The following TTC28 variants were observed in gnomAD, a reference collection of about 807,000 sequenced individuals.
TTC28 encodes the protein tetratricopeptide repeat domain 28, also known as tetratricopeptide repeat protein 28.
In TTC28, 61 loss-of-function variants were observed where a neutral mutation model predicts 198.0. The ratio of observed to expected loss-of-function variants is 0.31; its 90% CI spans 0.25 to 0.38. The LOEUF is 0.38. Ranked by LOEUF, TTC28 falls within the 10% of genes least tolerant of loss-of-function variation. TTC28 has a pLI of 1.00. For synonymous variants in TTC28, 1,171 were observed against 1,297.8 expected (o/e 0.90, Z 2.10); for missense variants, 2,678 against 3,164.0 (o/e 0.85, Z 3.69).
chr22:28,199,530 C>CATATATATATATATAT lies in TTC28; in HGVS notation c.934-35947_934-35932dup, dbSNP rs10689151. On this transcript the variant is annotated intron_variant, in intron 5 of 22. Coordinates refer to ENST00000397906, the MANE Select transcript of TTC28 (RefSeq NM_001145418.2). ...CTCTTCAAAAAAAGAAATACCTATA[C>CATATATATATATATAT]ATATATATATATATATATACACACA... is the stretch of plus-strand genomic sequence containing the variant. Among the ~76,000 whole-genome samples the CATATATATATATATAT allele has an allele frequency of 5.2e-3, 720 of 138,882 alleles. 8 individuals carry two copies. Among genetic ancestry groups the CATATATATATATATAT allele is most frequent in the Non-Finnish European group, 7.6e-3 (492 of 65,004 alleles). 91.1% of individuals were successfully genotyped at this position (138,882 alleles called of 152,430 possible). A position where few individuals can be genotyped will look rare whatever the true frequency, so the allele number is the denominator to read the frequency against.
chr22:28,054,278 G>A (rs958357375), intron 12 of TTC28, among the ~76,000 whole-genome samples: 3 of 152,218 alleles, frequency 2.0e-5, no homozygotes, highest in Non-Finnish European at 4.4e-5. Context: ...GCTGCCTAAT[G>A]AGTAGCTTGG....
chr22:28,593,323 T>C (rs1555898697), intron 2 of TTC28, among the ~76,000 whole-genome samples: 1 of 152,186 alleles, frequency 6.6e-6, no homozygotes, highest in Non-Finnish European at 1.5e-5. Flanking sequence ...TTCACTCCCC[T>C]AGCTCTTCCA....
At chr22:28,075,748 C>T (rs982307558) in intron 12 of TTC28, among the ~76,000 whole-genome samples, 4 of 152,222 alleles carry the variant, frequency 2.6e-5, no homozygotes, top group African/African-American at 9.6e-5. Context: ...GCTTTTCTCC[C>T]CTCACCCTTT....
chr22:28,079,760 G>A (rs543042898), intron 12 of TTC28, among the ~76,000 whole-genome samples: 49 of 152,144 alleles, frequency 3.2e-4, no homozygotes, highest in Non-Finnish European at 5.0e-4. Context: ...ACAGAGTCTC[G>A]CTCTGTCACC....
intron 6 of TTC28, among the ~76,000 whole-genome samples, chr22:28,161,984 A>T (rs891280049): frequency 6.6e-6 from 1 of 152,192 alleles, no homozygotes; most frequent in Admixed American, 6.5e-5. Context: ...AAGCATATCA[A>T]TAAGGTCAAC....
intron 2 of TTC28, among the ~76,000 whole-genome samples, chr22:28,432,146 CG>C: frequency 6.6e-6 from 1 of 151,570 alleles, no homozygotes; most frequent in East Asian, 1.9e-4. Flanking sequence ...ATTAGCCAGG[CG>C]TGGTGGCGGG....
At chr22:28,634,168 T>C (rs1272323020) in intron 1 of TTC28, among the ~76,000 whole-genome samples, 2 of 152,184 alleles carry the variant, frequency 1.3e-5, no homozygotes, top group Non-Finnish European at 2.9e-5. Context: ...TGTCAAAATA[T>C]ATCTGTGTCT....
intron 2 of TTC28, among the ~76,000 whole-genome samples, chr22:28,610,967 A>C (rs1476184818): frequency 6.6e-6 from 1 of 152,144 alleles, no homozygotes. Context: ...GGAAGAAAAA[A>C]TATCAGAGAT....
intron 2 of TTC28, among the ~76,000 whole-genome samples, chr22:28,498,864 A>G (rs1199198719): frequency 6.6e-6 from 1 of 152,202 alleles, no homozygotes; most frequent in East Asian, 1.9e-4. Flanking sequence ...GGGCCAATAT[A>G]TTGACAATTT....
intron 6 of TTC28, among the ~76,000 whole-genome samples, chr22:28,133,984 C>T (rs1052445070): frequency 2.0e-5 from 3 of 152,186 alleles, no homozygotes; most frequent in African/African-American, 7.2e-5. Context: ...TAACACCTCA[C>T]GCGGCCAGGT....
intron 5 of TTC28, among the ~76,000 whole-genome samples, chr22:28,210,590 A>C (rs1375680487): frequency 6.6e-6 from 1 of 152,142 alleles, no homozygotes; most frequent in Non-Finnish European, 1.5e-5. Flanking sequence ...GTTTAGAGGA[A>C]AAAAAGTAAA....
chr22:28,331,629 C>T (rs1288264144), intron 2 of TTC28, among the ~76,000 whole-genome samples: 1 of 152,150 alleles, frequency 6.6e-6, no homozygotes, highest in Non-Finnish European at 1.5e-5. Context: ...CACCTCCTCT[C>T]ATTCTGCTTT....
chr22:28,037,955 T>C (rs1939437222), intron 12 of TTC28, among the ~76,000 whole-genome samples: 1 of 152,078 alleles, frequency 6.6e-6, no homozygotes, highest in South Asian at 2.1e-4. Context: ...GGAAAACAAC[T>C]TACAAGGGAT....
chr22:28,412,699 G>C (rs1218050956), intron 2 of TTC28, among the ~76,000 whole-genome samples: 1 of 152,130 alleles, frequency 6.6e-6, no homozygotes, highest in East Asian at 1.9e-4. Flanking sequence ...TTAGTGTACT[G>C]TTCTTACGTT....
rs192956021 is a variant in TTC28 at position 28,121,724 on chromosome 22, G to A, written c.1442-13321C>T. On this transcript the variant is annotated intron_variant, in intron 6 of 22. Transcript: ENST00000397906. ...TCAGCTTCCTCCTCCTCTCCTGCCT[G>A]CCTCTGCCTATGGGGCTAGAAAGCC... Among the ~76,000 whole-genome samples the A allele has an allele frequency of 8.5e-5, 13 of 152,312 alleles. No homozygotes were observed. In the East Asian group the frequency reaches 2.5e-3, roughly 29 times the overall value.
At chr22:28,208,999 A>C (rs1244878666) in intron 5 of TTC28, among the ~76,000 whole-genome samples, 1 of 152,218 alleles carries the variant, frequency 6.6e-6, no homozygotes, top group Non-Finnish European at 1.5e-5. Context: ...AAAACAGGTC[A>C]GCTGAATTAA....
chr22:28,109,367 G>A (rs917981639), intron 6 of TTC28, among the ~76,000 whole-genome samples: 2 of 152,156 alleles, frequency 1.3e-5, no homozygotes, highest in African/African-American at 4.8e-5. Context: ...GCATGCTCCC[G>A]TGACAATAAC....
intron 2 of TTC28, among the ~76,000 whole-genome samples, chr22:28,524,283 C>G (rs1343471565): frequency 6.6e-6 from 1 of 151,512 alleles, no homozygotes; most frequent in Non-Finnish European, 1.5e-5. Context: ...CGGTGAAACC[C>G]TGTCTCTACC....
chr22:28,162,997 T>C (rs531185528), intron 6 of TTC28, 95 bp downstream of exon 6: 5 of 1,381,358 alleles, frequency 3.6e-6, no homozygotes, highest in African/African-American at 1.5e-5. Context: ...CTTTTAAATA[T>C]AAACACACAG....
Sources: allele counts gnomAD v4.1 joint callset (sites outside exome capture counted in the v4.1 genomes callset), GRCh38; gene constraint gnomAD v4.1.1; transcripts MANE v1.5; gene names NCBI Gene and HGNC (gene_info 2026-07-23, HGNC 2026-07-21).